The following GLT1D1 variants were observed in gnomAD, a reference collection of about 807,000 sequenced individuals.
The protein encoded by GLT1D1 is glycosyltransferase 1 domain-containing protein 1.
Under a neutral mutation model 28.7 loss-of-function variants are expected in GLT1D1, and 21 were observed. That is an observed-to-expected ratio of 0.73 (90% CI 0.52 to 1.05). The LOEUF (loss-of-function observed/expected upper bound fraction) is 1.05. Ranked by LOEUF, GLT1D1 falls within the 50% of genes least tolerant of loss-of-function variation. The pLI is 0.00. For synonymous variants in GLT1D1, 147 were observed against 124.8 expected (o/e 1.18, Z -1.19); for missense variants, 343 against 330.6 (o/e 1.04, Z -0.29).
chr12:128,984,253 C>T lies in GLT1D1; in HGVS notation c.*1163C>T, dbSNP rs1348700442. 1.3e-5 allele frequency: 2 copies of T among 152,164 alleles called. No individual in the cohort carries two copies. The highest frequency in any genetic ancestry group is 1.9e-4 in the East Asian group (1 of 5,188). 9.4% of individuals were successfully genotyped at this position (152,164 alleles called of 1,614,324 possible). On this transcript the variant is annotated 3_prime_UTR_variant, in exon 8 of 8. Coordinates refer to ENST00000281703, the MANE Select transcript of GLT1D1 (RefSeq NM_144669.3). ...AGCGGGTTTCGACGCTTAGGAGGGC[C>T]GAGGGAGAAGATTCCACCAGCATTG...
chr12:128,975,473 C>T lies in GLT1D1; in HGVS notation c.640-7456C>T, dbSNP rs138962532. On this transcript the variant is annotated intron_variant, in intron 7 of 7. Transcript: ENST00000281703. ...TGTTTTTTATTTTTTTCTTTTGAGA[C>T]GGGGTCTCACTCTGTCACCCAAGCT... is the stretch of plus-strand genomic sequence containing the variant. 4.0e-3 allele frequency among the ~76,000 whole-genome samples: 611 copies of T among 151,878 alleles called. 3 individuals are homozygous for T. Among genetic ancestry groups the T allele is most frequent in the African/African-American group, 0.014 (566 of 41,400 alleles).
chr12:128,946,580 G>A (rs561761671), intron 5 of GLT1D1, among the ~76,000 whole-genome samples: 64 of 148,250 alleles, frequency 4.3e-4, no homozygotes, highest in Non-Finnish European at 8.1e-4. Context: ...GTGATCACCC[G>A]CTTTGGCCTC....
chr12:128,974,882 C>G (rs539477558), intron 7 of GLT1D1, among the ~76,000 whole-genome samples: 1 of 152,252 alleles, frequency 6.6e-6, no homozygotes, highest in Non-Finnish European at 1.5e-5. Context: ...ACTGGAGGCC[C>G]TTGGCCAGAG....
Position 128,877,774 on chromosome 12 carries a change from G to A in GLT1D1, c.217+1712G>A, listed in dbSNP as rs542634948. Among the ~76,000 whole-genome samples the A allele has an allele frequency of 3.3e-5, 5 of 152,182 alleles. No individual in the cohort carries two copies. In the South Asian group the frequency reaches 6.2e-4, roughly 19 times the overall value. ...CCCTGCCCCAACTTAGTTGCTTATC[G>A]CAGTACATTTGTTATCTAATGGTTC... On this transcript the variant is annotated intron_variant, in intron 2 of 7. Coordinates refer to ENST00000281703, the MANE Select transcript of GLT1D1 (RefSeq NM_144669.3).
intron 7 of GLT1D1, among the ~76,000 whole-genome samples, chr12:128,979,330 G>A (rs920274923): frequency 6.6e-6 from 1 of 152,102 alleles, no homozygotes; most frequent in Non-Finnish European, 1.5e-5. Flanking sequence ...TCGGCTTGGG[G>A]CCTCATGTCC....
Position 128,872,089 on chromosome 12 carries a change from T to C in GLT1D1, c.69-3825T>C, listed in dbSNP as rs200350550. Among the ~76,000 whole-genome samples, 66 of 151,438 alleles carry C rather than the reference T, an allele frequency of 4.4e-4. 1 individual carries two copies. In the South Asian group the frequency reaches 0.013, roughly 31 times the overall value. Reference sequence around the variant, plus strand: ...GCCTCAGCCTCCCAAGTAGCTGGGATTACAGGCATATGCCACCATGCCCAG... The same window carrying C: ...GCCTCAGCCTCCCAAGTAGCTGGGACTACAGGCATATGCCACCATGCCCAG... On this transcript the variant is annotated intron_variant, in intron 1 of 7. Transcript: ENST00000281703.
At chr12:128,910,168 G>C (rs772284574) in intron 4 of GLT1D1, among the ~76,000 whole-genome samples, 3 of 151,516 alleles carry the variant, frequency 2.0e-5, no homozygotes, top group Non-Finnish European at 2.9e-5. Context: ...TTAGAAAAAT[G>C]ATGCTCAGAG....
Position 128,853,644 on chromosome 12 carries a change from C to T in GLT1D1, c.63C>T (p.Arg21=), listed in dbSNP as rs780218780. Reference sequence around the variant, plus strand: ...CCGGCAACGCGGTCACGGCCCAGCGCGTTCGGTAGGTGCAGGGCGCCGGGG... The same window carrying T: ...CCGGCAACGCGGTCACGGCCCAGCGTGTTCGGTAGGTGCAGGGCGCCGGGG... The change falls in exon 1 of 8, where the codon CGC becomes CGT. Residue 21 remains arginine (R), a synonymous_variant. Transcript: ENST00000281703. 2.1e-5 allele frequency: 25 copies of T among 1,163,892 alleles called. No homozygotes were observed. In the African/African-American group the frequency reaches 3.6e-4, roughly 17 times the overall value. 72.1% of individuals were successfully genotyped at this position (1,163,892 alleles called of 1,614,324 possible). A position where few individuals can be genotyped will look rare whatever the true frequency, so the allele number is the denominator to read the frequency against.
intron 4 of GLT1D1, among the ~76,000 whole-genome samples, chr12:128,903,546 AGTATAAC>A (rs1870530217): frequency 6.6e-6 from 1 of 151,436 alleles, no homozygotes; most frequent in Admixed American, 6.6e-5. Context: ...GTCTCTAATG[AGTATAAC>A]ATGTTTTACT....
At chr12:128,908,323 C>CTTCTTTCTTTCT (rs200053987) in intron 4 of GLT1D1, among the ~76,000 whole-genome samples, 8,017 of 146,350 alleles carry the variant, frequency 0.055, 380 homozygotes, top group South Asian at 0.12. Flanking sequence ...TTTTACTTTC[C>CTTCTTTCTTTCT]TTCTTTCTTT....
chr12:128,957,435 G>A (rs67694451), intron 6 of GLT1D1, 110 bp from the exon 11 acceptor site: 78,202 of 658,838 alleles, frequency 0.12, 5,309 homozygotes, highest in Middle Eastern at 0.16. Context: ...TTTGTGAGGT[G>A]CCAGAGGTCC....
chr12:128,883,645 T>C (rs1957115931), intron 2 of GLT1D1, among the ~76,000 whole-genome samples: 1 of 151,900 alleles, frequency 6.6e-6, no homozygotes, highest in Admixed American at 6.6e-5. Context: ...TATGATTTTC[T>C]GTTTTTCTCA....
At chr12:128,914,003 G>A (rs1871826720) in intron 4 of GLT1D1, among the ~76,000 whole-genome samples, 1 of 152,210 alleles carries the variant, frequency 6.6e-6, no homozygotes, top group African/African-American at 2.4e-5. Flanking sequence ...CTGTCAGTAT[G>A]ATTCAGTGTG....
At chr12:128,915,102 G>T (rs979734023) in intron 4 of GLT1D1, 113 bp downstream of exon 6, 2 of 797,552 alleles carry the variant, frequency 2.5e-6, no homozygotes, top group Admixed American at 2.4e-5. Flanking sequence ...AGAGAACAAG[G>T]TTCATTTCCC....
chr12:128,863,578 A>T (rs1489128006), intron 1 of GLT1D1, among the ~76,000 whole-genome samples: 1 of 152,058 alleles, frequency 6.6e-6, no homozygotes, highest in South Asian at 2.1e-4. Flanking sequence ...GGGTTTCACC[A>T]TGTTGGTCAG....
At chr12:128,932,943 G>A (rs542827724) in intron 4 of GLT1D1, among the ~76,000 whole-genome samples, 4 of 152,272 alleles carry the variant, frequency 2.6e-5, no homozygotes, top group Admixed American at 6.5e-5. Flanking sequence ...AAGGTCTCGC[G>A]GAGTCTAAGA....
At chr12:128,942,743 G>GTTTTTTT (rs1254764237) in intron 4 of GLT1D1, among the ~76,000 whole-genome samples, 4 of 100,878 alleles carry the variant, frequency 4.0e-5, no homozygotes, top group African/African-American at 1.7e-4. Context: ...TTGTTTGTTT[G>GTTTTTTT]TTTTTGTTTT....
intron 7 of GLT1D1, among the ~76,000 whole-genome samples, chr12:128,981,419 C>G (rs910025636): frequency 6.6e-6 from 1 of 152,084 alleles, no homozygotes; most frequent in Admixed American, 6.6e-5. Context: ...AATAATATAC[C>G]CAGCTATAAG....
At chr12:128,918,256 C>A (rs1872304847) in intron 4 of GLT1D1, among the ~76,000 whole-genome samples, 1 of 152,052 alleles carries the variant, frequency 6.6e-6, no homozygotes, top group African/African-American at 2.4e-5. Flanking sequence ...GGGAGCTGAA[C>A]AATGAGAACA....
Sources: allele counts gnomAD v4.1 joint callset (sites outside exome capture counted in the v4.1 genomes callset), GRCh38; gene constraint gnomAD v4.1.1; transcripts MANE v1.5; gene names NCBI Gene and HGNC (gene_info 2026-07-23, HGNC 2026-07-21).